Variants in ANK3 observed in about 807,000 individuals in gnomAD.
The protein encoded by ANK3 is ankyrin 3.
In ANK3, 57 loss-of-function variants were observed where a neutral mutation model predicts 370.9. The observed-to-expected ratio is 0.15, with a 90% CI of 0.12 to 0.19. The LOEUF is 0.19. Among genes scored for constraint, ANK3 ranks in the 10% least tolerant of loss-of-function variants. ANK3 has a pLI of 1.00. For synonymous variants in ANK3, 1,929 were observed against 1,946.3 expected, an observed-to-expected ratio of 0.99 and a Z score of 0.23; for missense variants, 4,439 against 5,302.1, an observed-to-expected ratio of 0.84 and a Z score of 5.06.
intron 32 of ANK3, among the ~76,000 whole-genome samples, 159 bp from the exon 33 acceptor site, chr10:60,083,776 G>A (rs906540645): frequency 1.3e-5 from 2 of 152,152 alleles, no homozygotes; most frequent in African/African-American, 4.8e-5. Context: ...AAATAATGTT[G>A]TGTGCTTACA....
intron 28 of ANK3, among the ~76,000 whole-genome samples, chr10:60,098,301 A>T (rs2090533715): frequency 6.6e-6 from 1 of 152,224 alleles, no homozygotes; most frequent in South Asian, 2.1e-4. Context: ...ATATTTTAAA[A>T]ATAATTCTCT....
At chr10:60,305,800 C>T (rs538077350) in intron 1 of ANK3, among the ~76,000 whole-genome samples, 23 of 152,282 alleles carry the variant, frequency 1.5e-4, no homozygotes, top group Admixed American at 2.0e-4. Context: ...CAAAAGGAGA[C>T]GGAGGCAGAA....
intron 2 of ANK3, among the ~76,000 whole-genome samples, chr10:60,569,786 A>AT (rs375370576): frequency 5.0e-4 from 76 of 152,146 alleles, no homozygotes; most frequent in Non-Finnish European, 8.5e-4. Context: ...TTTAAGATAG[A>AT]TTTTTTTTAT....
intron 2 of ANK3, among the ~76,000 whole-genome samples, chr10:60,439,782 A>T (rs1445690243): frequency 6.6e-6 from 1 of 152,170 alleles, no homozygotes; most frequent in Non-Finnish European, 1.5e-5. Context: ...CTTCTCTGAG[A>T]AATAAAAGCA....
At chr10:60,592,085 TG>T (rs1195227026) in intron 2 of ANK3, among the ~76,000 whole-genome samples, 1 of 152,200 alleles carries the variant, frequency 6.6e-6, no homozygotes, top group Non-Finnish European at 1.5e-5. Context: ...GTAATTAGTT[TG>T]TTTGTAACTC....
At chr10:60,243,552 A>T (rs2097505588) in intron 7 of ANK3, among the ~76,000 whole-genome samples, 1 of 152,244 alleles carries the variant, frequency 6.6e-6, no homozygotes, top group Non-Finnish European at 1.5e-5. Context: ...TTTCTTTATA[A>T]ATTACAAGTC....
At chr10:60,032,194 C>CTTTTTGTTTTTTTTTTTT (rs2073794759) in intron 43 of ANK3, among the ~76,000 whole-genome samples, 1 of 43,114 alleles carries the variant, frequency 2.3e-5, no homozygotes, top group African/African-American at 8.2e-5. Flanking sequence ...TACACAGCTT[C>CTTTTTGTTTTTTTTTTTT]TTTTTTTTTT....
intron 1 of ANK3, among the ~76,000 whole-genome samples, chr10:60,321,287 C>T (rs1212879494): frequency 6.6e-6 from 1 of 151,642 alleles, no homozygotes; most frequent in Admixed American, 6.6e-5. Flanking sequence ...ACTCAAGAGG[C>T]TGAGGTTGGA....
intron 6 of ANK3, among the ~76,000 whole-genome samples, chr10:60,262,975 T>C (rs2097829480): frequency 6.6e-6 from 1 of 152,136 alleles, no homozygotes; most frequent in Non-Finnish European, 1.5e-5. Context: ...CACATGCTCC[T>C]TTGGGGAGAG....
At chr10:60,261,500 G>A (rs1184538783) in intron 7 of ANK3, among the ~76,000 whole-genome samples, 1 of 152,198 alleles carries the variant, frequency 6.6e-6, no homozygotes, top group Non-Finnish European at 1.5e-5. Flanking sequence ...TCAAGACCCT[G>A]ATCTCTAGAG....
intron 2 of ANK3, among the ~76,000 whole-genome samples, chr10:60,471,092 A>G (rs1024204626): frequency 3.3e-5 from 5 of 152,122 alleles, no homozygotes; most frequent in Admixed American, 3.3e-4. Flanking sequence ...CTCATTTGAC[A>G]TTTACAAAAA....
intron 2 of ANK3, among the ~76,000 whole-genome samples, chr10:60,567,545 C>T (rs1342074324): frequency 2.6e-5 from 4 of 152,162 alleles, no homozygotes; most frequent in Middle Eastern, 3.2e-3. Context: ...TACAAGCAGA[C>T]TAATGTTGTT....
At position 60,043,075 on chromosome 10, in the gene ANK3, C is replaced by A. The variant is rs9888124; in HGVS notation, c.13066-316G>T. On this transcript the variant is annotated intron_variant, in intron 42 of 43. Transcript: ENST00000280772. ...TAAAAGAAATCAGCACCACAGCTCA[C>A]AAGGCAGCAGAATTGTAAACAATCT... 1.3e-5 allele frequency: 14 copies of A among 1,087,368 alleles called. No individual in the cohort carries two copies. The African/African-American group carries it at 2.2e-4, about 17-fold the overall frequency. 67.4% of individuals were successfully genotyped at this position (1,087,368 alleles called of 1,614,324 possible).
rs76822820 is a variant in ANK3, at chr10:60,419,611, A to C, written c.97-139972T>G. On this transcript the variant is annotated intron_variant, in intron 2 of 43. Transcript: ENST00000373827. ...AGAATGTCAGAAGCAAAGTGTCTGCATTGATATGTTGGATGCCCTCTTGGC... is the reference window on the plus strand; with the variant it reads ...AGAATGTCAGAAGCAAAGTGTCTGCCTTGATATGTTGGATGCCCTCTTGGC... Among the ~76,000 whole-genome samples the C allele has an allele frequency of 4.7e-3, 709 of 152,346 alleles. 9 individuals carry two copies. The highest frequency in any genetic ancestry group is 0.016 in the African/African-American group (665 of 41,578).
chr10:60,248,842 T>G (rs1592444868), intron 7 of ANK3, among the ~76,000 whole-genome samples: 1 of 152,266 alleles, frequency 6.6e-6, no homozygotes, highest in East Asian at 1.9e-4. Context: ...GAAGAGAAAA[T>G]ATATCCTGAT....
In ANK3 at chr10:60,186,902, G is replaced by A. The variant is rs753344992; in HGVS notation, c.1898C>T (p.Thr633Met). 12 of 1,613,846 alleles carry A rather than the reference G, an allele frequency of 7.4e-6. No individual in the cohort carries two copies. Among genetic ancestry groups the A allele is most frequent in the African/African-American group, 6.7e-5 (5 of 74,900 alleles). Residue 633 changes from threonine (T) to methionine (M), a missense_variant, in exon 17 of 44, where the codon ACG becomes ATG. Transcript: ENST00000280772. ...SPHAAAKNGY[T>M]PLHIAAKKNQ... ...CTTTTTGGCAGCGATGTGCAGTGGC[G>A]TATAACCATTCTGTCAACACAAATC...
At chr10:60,181,974 C>T (rs987707890) in intron 17 of ANK3, among the ~76,000 whole-genome samples, 15 of 152,076 alleles carry the variant, frequency 9.9e-5, no homozygotes, top group Admixed American at 3.9e-4. Context: ...ATGTGTTTCA[C>T]CTATCCCTCT....
At chr10:60,362,028 T>C (rs1255907017) in intron 1 of ANK3, among the ~76,000 whole-genome samples, 4 of 152,176 alleles carry the variant, frequency 2.6e-5, no homozygotes, top group Admixed American at 2.0e-4. Flanking sequence ...CACCCCTATA[T>C]ATGCATAATT....
At position 60,071,111 on chromosome 10, in the gene ANK3, G is replaced by A. The variant is rs2082603510; in HGVS notation, c.9770C>T (p.Pro3257Leu). 6.2e-7 allele frequency: 1 copy of A among 1,614,140 alleles called. No homozygotes were observed. The highest frequency in any genetic ancestry group is 1.1e-5 in the South Asian group (1 of 91,078). Residue 3257 changes from proline (P) to leucine (L), a missense_variant, in exon 37 of 44, where the codon CCT (proline) becomes CTT (leucine). Around this residue, in one of 13 missense-constraint regions of ANK3, gnomAD observed 1,601 missense variants for 1,731.7 expected, o/e 0.92. Coordinates refer to ENST00000280772, the MANE Select transcript of ANK3 (RefSeq NM_020987.5). ...AATCTGGTCCGCATCCAGTGGTGGA[G>A]GAGGGGGAAATTCAATATAGGCAAC... ...NRVAYIEFPP[P>L]PPLDADQIES... is the part of the protein sequence containing the mutation.
Sources: gnomAD v4.1 joint callset for allele counts (sites outside exome capture counted in the v4.1 genomes callset) on GRCh38, gnomAD v4.1.1 for gene constraint, gnomAD v4.1.1 regional missense constraint, MANE v1.5 for transcripts, NCBI Gene and HGNC (gene_info 2026-07-23, HGNC 2026-07-21) for gene names.